The following LOXL2 variants were observed in gnomAD, a reference collection of about 807,000 sequenced individuals.
LOXL2 encodes the protein lysyl oxidase homolog 2.
A neutral mutation model predicts 93.0 loss-of-function variants in LOXL2; 70 were observed. The observed-to-expected ratio is 0.75, with a 90% CI of 0.62 to 0.92. LOXL2 has a LOEUF of 0.92. LOXL2 is among the 40% of genes least tolerant of loss of function. The pLI is 0.00. For missense variants in LOXL2, 973 were observed against 1,054.9 expected (o/e 0.92, Z 1.08); for synonymous variants, 438 against 413.2 (o/e 1.06, Z -0.73).
At chr8:23,392,125 T>G (rs1232331247) in intron 1 of LOXL2, among the ~76,000 whole-genome samples, 1 of 152,210 alleles carries the variant, frequency 6.6e-6, no homozygotes, top group South Asian at 2.1e-4. Flanking sequence ...GGCCTGTGCT[T>G]GTCCTATGAC....
chr8:23,307,561 T>C (rs1212289106), intron 10 of LOXL2, among the ~76,000 whole-genome samples: 1 of 152,148 alleles, frequency 6.6e-6, no homozygotes, highest in African/African-American at 2.4e-5. Flanking sequence ...ACCAAGTCCT[T>C]GGAGCGTAAG....
chr8:23,350,840 TA>T (rs1458208870), intron 3 of LOXL2, among the ~76,000 whole-genome samples: 4 of 152,164 alleles, frequency 2.6e-5, no homozygotes, highest in Non-Finnish European at 5.9e-5. Flanking sequence ...GCCACTTGGG[TA>T]GGTAACAGAG....
intron 3 of LOXL2, among the ~76,000 whole-genome samples, chr8:23,345,705 T>G (rs1191539121): frequency 6.6e-6 from 1 of 151,166 alleles, no homozygotes; most frequent in African/African-American, 2.5e-5. Context: ...AAAGAAAGTG[T>G]GAAATATTAA....
chr8:23,311,613 G>C (rs1678510443), intron 9 of LOXL2, among the ~76,000 whole-genome samples: 1 of 152,212 alleles, frequency 6.6e-6, no homozygotes, highest in Admixed American at 6.5e-5. Context: ...AATCTCAACA[G>C]CTGCCATGGG....
At position 23,302,018 on chromosome 8, in the gene LOXL2, CCACCT is replaced by C; in HGVS notation, c.2133+4_2133+8del. The stretch of plus-strand genomic sequence containing the variant: ...CTGCAGGGCTGGAACCCCTTCCCAC[CCACCT>C]CACCTGGAACAGGTAGTCTCCAGGG... On this transcript the variant is annotated splice_donor_5th_base_variant and intron_variant, in intron 12 of 13. Coordinates refer to ENST00000389131, the MANE Select transcript of LOXL2 (RefSeq NM_002318.3). 1 of 1,613,980 alleles carries C rather than the reference CCACCT, an allele frequency of 6.2e-7. No individual in the cohort carries two copies. Among genetic ancestry groups the C allele is most frequent in the Non-Finnish European group, 8.5e-7 (1 of 1,179,904 alleles).
At chr8:23,393,847 A>C (rs1466808568) in intron 1 of LOXL2, among the ~76,000 whole-genome samples, 1 of 152,180 alleles carries the variant, frequency 6.6e-6, no homozygotes, top group Non-Finnish European at 1.5e-5. Context: ...GTCTATTTGC[A>C]TGTCTGTTTC....
chr8:23,369,496 T>C (rs888264371), intron 1 of LOXL2, among the ~76,000 whole-genome samples: 7 of 152,196 alleles, frequency 4.6e-5, no homozygotes, highest in Non-Finnish European at 1.0e-4. Context: ...CATATTCTTC[T>C]GGTCATGGCA....
At chr8:23,387,314 T>C (rs1309144960) in intron 1 of LOXL2, among the ~76,000 whole-genome samples, 2 of 152,154 alleles carry the variant, frequency 1.3e-5, no homozygotes, top group Non-Finnish European at 2.9e-5. Context: ...TCGGGGGGTA[T>C]CAGAGAGAGA....
chr8:23,381,095 C>CT (rs55908148), intron 1 of LOXL2, among the ~76,000 whole-genome samples: 20,133 of 145,064 alleles, frequency 0.14, 1,675 homozygotes, highest in African/African-American at 0.22. Flanking sequence ...CCTCTCCAGT[C>CT]TTTTTTTTTT....
intron 3 of LOXL2, among the ~76,000 whole-genome samples, chr8:23,348,762 A>G (rs1002418065): frequency 1.5e-4 from 23 of 151,996 alleles, no homozygotes; most frequent in Admixed American, 1.5e-3. Flanking sequence ...CTGTAGTCCC[A>G]GCTACTCAGG....
intron 1 of LOXL2, among the ~76,000 whole-genome samples, chr8:23,395,117 T>C (rs1800074318): frequency 6.6e-6 from 1 of 151,992 alleles, no homozygotes; most frequent in East Asian, 1.9e-4. Flanking sequence ...AGCTGGGTAT[T>C]GTGGCGCACG....
chr8:23,368,445 GGA>G lies in LOXL2; in HGVS notation c.-83-13_-83-12del, dbSNP rs753681590. 6.8e-6 allele frequency: 7 copies of G among 1,030,376 alleles called. No homozygotes were observed. The highest frequency in any genetic ancestry group is 2.0e-4 in the Middle Eastern group (1 of 4,990). The allele number at this position is 1,030,376 out of a possible 1,614,324, so 63.8% of individuals were successfully genotyped here. A position where few individuals can be genotyped will look rare whatever the true frequency, so the allele number is the denominator to read the frequency against. ...AGCAGCAGGAGCTTTCTGGAAGAGA[GGA>G]GAGATGCGTTAGGATGGGAACGTGG... On this transcript the variant is annotated splice_polypyrimidine_tract_variant and intron_variant, in intron 1 of 13. Transcript: ENST00000389131.
At chr8:23,320,093 A>C in intron 7 of LOXL2, 41 bp from the exon 8 acceptor site, 1 of 1,606,064 alleles carries the variant, frequency 6.2e-7, no homozygotes, top group Non-Finnish European at 8.5e-7. Flanking sequence ...AAGAGGGACA[A>C]GGGAGCTTCC....
intron 3 of LOXL2, among the ~76,000 whole-genome samples, chr8:23,349,716 G>A (rs193298351): frequency 2.0e-5 from 3 of 152,138 alleles, no homozygotes; most frequent in African/African-American, 7.2e-5. Context: ...AATCCCCTAA[G>A]GGCAAAACTG....
At chr8:23,352,171 G>C (rs1405482590) in intron 3 of LOXL2, among the ~76,000 whole-genome samples, 1 of 152,180 alleles carries the variant, frequency 6.6e-6, no homozygotes, top group Non-Finnish European at 1.5e-5. Context: ...AAACCCAGGA[G>C]AGCTACATCT....
chr8:23,392,809 A>C (rs1347807409), intron 1 of LOXL2, among the ~76,000 whole-genome samples: 2 of 152,218 alleles, frequency 1.3e-5, no homozygotes, highest in Non-Finnish European at 2.9e-5. Flanking sequence ...GTGTGTATAA[A>C]ACATCCTAAG....
chr8:23,395,339 CATATT>C (rs1170606992), intron 1 of LOXL2, among the ~76,000 whole-genome samples: 55 of 141,424 alleles, frequency 3.9e-4, no homozygotes, highest in African/African-American at 1.4e-3. Context: ...AAAAAAACCA[CATATT>C]ATATGATTCT....
chr8:23,300,764 C>T (rs1803116367), intron 12 of LOXL2, among the ~76,000 whole-genome samples: 1 of 152,102 alleles, frequency 6.6e-6, no homozygotes. Context: ...CAATGCATTC[C>T]CCAGGCTTAG....
chr8:23,337,789 T>A lies in LOXL2; in HGVS notation c.743+3203A>T, dbSNP rs1803817124. On this transcript the variant is annotated intron_variant, in intron 4 of 13. Coordinates refer to ENST00000389131, the MANE Select transcript of LOXL2 (RefSeq NM_002318.3). ...TAAGCTTCATTAGCTTTAAGGTACA[T>A]GCATTGCACCCCAGCCCGGTGTGGA... 3.3e-5 allele frequency among the ~76,000 whole-genome samples: 5 copies of A among 152,164 alleles called. No individual in the cohort carries two copies. In the South Asian group the frequency reaches 1.0e-3, roughly 32 times the overall value.
Sources: gnomAD v4.1 joint callset for allele counts (sites outside exome capture counted in the v4.1 genomes callset) on GRCh38, gnomAD v4.1.1 for gene constraint, MANE v1.5 for transcripts, NCBI Gene and HGNC (gene_info 2026-07-23, HGNC 2026-07-21) for gene names.